ZNF541: variants seen among roughly 807,000 people sequenced by gnomAD.
The protein encoded by ZNF541 is zinc finger protein 541.
Under a neutral mutation model 123.5 loss-of-function variants are expected in ZNF541, and 23 were observed. The ratio of observed to expected loss-of-function variants is 0.19; its 90% CI spans 0.13 to 0.26. ZNF541 has a LOEUF of 0.26. ZNF541 is among the 10% of genes least tolerant of loss of function. The probability of loss-of-function intolerance (pLI) is 1.00; values close to 1 mark genes in which losing one functional copy is unlikely to be tolerated. For missense variants in ZNF541, 1,612 were observed against 1,789.9 expected (o/e 0.90, Z 1.79); for synonymous variants, 751 against 754.5 (o/e 1.00, Z 0.08).
At chr19:47,525,013 G>A (rs1309037782) in intron 14 of ZNF541, among the ~76,000 whole-genome samples, 4 of 152,074 alleles carry the variant, frequency 2.6e-5, no homozygotes, top group Admixed American at 1.3e-4. Flanking sequence ...GGCTGGGTGC[G>A]GTGGCTCACG....
At chr19:47,569,116 A>G (rs1489290206) in intron 2 of ZNF541, among the ~76,000 whole-genome samples, 1 of 152,052 alleles carries the variant, frequency 6.6e-6, no homozygotes, top group Admixed American at 6.6e-5. Context: ...GAAAATGATT[A>G]GATTTGATAT....
chr19:47,555,498 C>T, intron 3 of ZNF541, 52 bp downstream of exon 3: 1 of 1,470,564 alleles, frequency 6.8e-7, no homozygotes, highest in East Asian at 2.5e-5. Flanking sequence ...TAGCTGGCCA[C>T]AGAAACTGTC....
chr19:47,538,209 C>T lies in ZNF541; in HGVS notation c.3027G>A (p.Val1009=). 1 of 1,551,592 alleles carries T rather than the reference C, an allele frequency of 6.4e-7. No individual in the cohort carries two copies. The highest frequency in any genetic ancestry group is 8.7e-7 in the Non-Finnish European group (1 of 1,146,984). Residue 1009 remains valine (V), a synonymous_variant, in exon 9 of 17, where the codon GTG becomes GTA. Transcript: ENST00000391901. ...MLSPIREGSG[V]YFNTLCSTST... The stretch of plus-strand genomic sequence containing the variant: ...ACGTGGAACAGAGGGTGTTGAAGTA[C>T]ACCCCAGAGCCCTCCCGGATGGGGC...
Position 47,545,904 on chromosome 19 carries a change from C to T in ZNF541, c.625G>A (p.Asp209Asn). Residue 209 changes from aspartate to asparagine, a missense_variant, in exon 5 of 17, where the codon GAC becomes AAC. Transcript: ENST00000391901. This position sits in a 1 kb window ranked among gnomAD's most constrained non-coding sequence, Gnocchi z 7.5. ...TAGTGCCGGCGCAGAGAGCGGTAGT[C>T]GCAGTAGCTCTTGCTGCAGCCCTGC... ...IEQGCSKSYC[D>N]YRSLRRHYEV... is the part of the protein sequence containing the mutation. 6.5e-7 allele frequency: 1 copy of T among 1,545,324 alleles called. No homozygotes were observed. The highest frequency in any genetic ancestry group is 8.7e-7 in the Non-Finnish European group (1 of 1,143,860).
Position 47,526,732 on chromosome 19 carries a change from G to A in ZNF541, c.3570+2218C>T, listed in dbSNP as rs374182937. Reference sequence around the variant, plus strand: ...GCAACTAGAAATCTCTTTTCCTGCCGGTAGGAATGTGAAATGATACAACTA... The same window carrying A: ...GCAACTAGAAATCTCTTTTCCTGCCAGTAGGAATGTGAAATGATACAACTA... On this transcript the variant is annotated intron_variant, in intron 14 of 16. Coordinates refer to ENST00000391901, the MANE Select transcript of ZNF541 (RefSeq NM_001277075.3). Among the ~76,000 whole-genome samples, 8 of 152,206 alleles carry A rather than the reference G, an allele frequency of 5.3e-5. No homozygotes were observed. The South Asian group carries it at 1.0e-3, about 20-fold the overall frequency.
At chr19:47,523,935 G>A (rs1179074631) in intron 14 of ZNF541, among the ~76,000 whole-genome samples, 1 of 152,206 alleles carries the variant, frequency 6.6e-6, no homozygotes, top group Non-Finnish European at 1.5e-5. Context: ...CATGGGAAGA[G>A]ACCAGCCAAA....
At chr19:47,572,580 C>T (rs1971512729) in intron 1 of ZNF541, among the ~76,000 whole-genome samples, 1 of 151,166 alleles carries the variant, frequency 6.6e-6, no homozygotes, top group Admixed American at 6.6e-5. Flanking sequence ...TGGAGTTTTG[C>T]TGGAAGATCC....
intron 3 of ZNF541, among the ~76,000 whole-genome samples, chr19:47,552,899 A>G (rs1003116304): frequency 6.6e-6 from 1 of 151,276 alleles, no homozygotes; most frequent in Non-Finnish European, 1.5e-5. Flanking sequence ...TCATGAGGTC[A>G]GGAGTTTGAG....
intron 3 of ZNF541, among the ~76,000 whole-genome samples, chr19:47,551,569 T>C (rs1970601982): frequency 6.6e-6 from 1 of 151,902 alleles, no homozygotes; most frequent in African/African-American, 2.4e-5. Context: ...GACAGGGTCT[T>C]ATTCTGTCAC....
chr19:47,534,768 G>T (rs1448709329), intron 9 of ZNF541, among the ~76,000 whole-genome samples: 2 of 152,074 alleles, frequency 1.3e-5, no homozygotes, highest in Non-Finnish European at 2.9e-5. Context: ...TGAACACCCA[G>T]AAATACACCC....
upstream of ZNF541, among the ~76,000 whole-genome samples, chr19:47,573,289 C>G (rs1365285372): frequency 6.6e-6 from 1 of 151,910 alleles, no homozygotes; most frequent in Non-Finnish European, 1.5e-5. Context: ...CTCCTGGCCG[C>G]GCGCTCTCGG....
At chr19:47,549,530 CA>C (rs1970509850) in intron 3 of ZNF541, 45 bp from the exon 4 acceptor site, 3 of 1,546,836 alleles carry the variant, frequency 1.9e-6, no homozygotes, top group Non-Finnish European at 2.6e-6. Flanking sequence ...CCAAGGCAAC[CA>C]AGCGAAAAGC....
At chr19:47,546,068 G>A in intron 4 of ZNF541, 88 bp from the exon 5 acceptor site, 1 of 1,180,606 alleles carries the variant, frequency 8.5e-7, no homozygotes, top group Non-Finnish European at 1.1e-6. Context: ...AAAAGTCTGT[G>A]GTACAGTTGC....
rs1969478697 is a variant in ZNF541 at position 47,529,771 on chromosome 19, G to C, written c.3406-119C>G. The C allele has an allele frequency of 1.2e-5, 12 of 970,540 alleles. No homozygotes were observed. The South Asian group carries it at 1.9e-4, about 15-fold the overall frequency. The allele number at this position is 970,540 out of a possible 1,614,324, so 60.1% of individuals were successfully genotyped here. ...CCCTGAAGACACTGCCTGTCCCAGG[G>C]CTATTCAAAGTTGCCCTGGATGGGC... On this transcript the variant is annotated intron_variant, in intron 12 of 16. Transcript: ENST00000391901.
chr19:47,555,098 G>A (rs981904541), intron 3 of ZNF541, among the ~76,000 whole-genome samples: 25 of 151,602 alleles, frequency 1.6e-4, no homozygotes, highest in East Asian at 5.8e-4. Context: ...GGCCGGGTGC[G>A]GTGGCTCATG....
At chr19:47,533,197 T>C (rs1969656842) in intron 9 of ZNF541, among the ~76,000 whole-genome samples, 1 of 150,830 alleles carries the variant, frequency 6.6e-6, no homozygotes, top group African/African-American at 2.4e-5. Context: ...AGTGAAACCC[T>C]GTTCCTACTT....
At chr19:47,523,339 TAAAAAAAAAAAAAAAAAA>T (rs75366644) in intron 14 of ZNF541, among the ~76,000 whole-genome samples, 7 of 105,752 alleles carry the variant, frequency 6.6e-5, no homozygotes, top group Non-Finnish European at 1.2e-4. Flanking sequence ...GCGTCTCTTT[TAAAAAAAAAAAAAAAAAA>T]AAAAAGGAAA....
chr19:47,570,236 T>C lies in ZNF541; in HGVS notation c.-99+1660A>G, dbSNP rs200057660. On this transcript the variant is annotated intron_variant, in intron 2 of 16. Coordinates refer to ENST00000391901, the MANE Select transcript of ZNF541 (RefSeq NM_001277075.3). ...TTGCAGCAAGCCGAGATCACTCCAC[T>C]GCACTCCAGCCTGGGCGACAGAGCG... Among the ~76,000 whole-genome samples the C allele has an allele frequency of 6.3e-4, 94 of 149,116 alleles. 1 individual carries two copies. The highest frequency in any genetic ancestry group is 4.2e-3 in the East Asian group (21 of 4,966).
chr19:47,528,120 G>A (rs1199533526), intron 14 of ZNF541, among the ~76,000 whole-genome samples: 1 of 138,346 alleles, frequency 7.2e-6, no homozygotes, highest in Non-Finnish European at 1.6e-5. Context: ...TTCGAGACTA[G>A]CCTGACCAAC....
Sources: gnomAD v4.1 joint callset for allele counts (sites outside exome capture counted in the v4.1 genomes callset) on GRCh38, gnomAD v4.1.1 for gene constraint, Gnocchi (gnomAD v3.1) non-coding constraint, MANE v1.5 for transcripts, NCBI Gene and HGNC (gene_info 2026-07-23, HGNC 2026-07-21) for gene names.